Variants in DGKI observed in about 807,000 individuals in gnomAD.
DGKI encodes DAG kinase iota.
A neutral mutation model predicts 147.5 loss-of-function variants in DGKI; 55 were observed. The ratio of observed to expected loss-of-function variants is 0.37; its 90% confidence interval spans 0.30 to 0.47. DGKI has a LOEUF of 0.47. DGKI is among the 20% of genes least tolerant of loss of function. The pLI, the probability that DGKI is intolerant of heterozygous loss-of-function variation, is 1.00. For synonymous variants in DGKI, 469 were observed against 477.1 expected, an observed-to-expected ratio of 0.98 and a Z score of 0.22; for missense variants, 1,007 against 1,323.8, an observed-to-expected ratio of 0.76 and a Z score of 3.71.
intron 20 of DGKI, among the ~76,000 whole-genome samples, chr7:137,551,505 T>C (rs1280760330): frequency 2.0e-5 from 3 of 152,132 alleles, no homozygotes; most frequent in Admixed American, 6.5e-5. Context: ...AGTCCCTCAC[T>C]GTGATAGAGA....
At chr7:137,499,962 A>T (rs28491569) in intron 21 of DGKI, among the ~76,000 whole-genome samples, 17,929 of 152,140 alleles carry the variant, frequency 0.12, 1,232 homozygotes, top group African/African-American at 0.19. Flanking sequence ...ACCAGACCCA[A>T]CCATGCCGGC....
chr7:137,642,074 A>G (rs760108583), intron 6 of DGKI, among the ~76,000 whole-genome samples: 113 of 152,120 alleles, frequency 7.4e-4, no homozygotes, highest in Non-Finnish European at 1.3e-3. Context: ...TTCTGCCTCC[A>G]ACCATTGATT....
rs1311063306 is a variant in DGKI at position 137,611,276 on chromosome 7, T to C, written c.994-1667A>G. ...GGAACAGTATGTATTTGGTGTCAAT[T>C]AACAATGCTCTAAATGCTTCTCAAC... is the stretch of plus-strand genomic sequence containing the variant. On this transcript the variant is annotated intron_variant, in intron 8 of 32. Transcript: ENST00000614521. Among the ~76,000 whole-genome samples, 8 of 152,288 alleles carry C rather than the reference T, an allele frequency of 5.3e-5. No individual in the cohort carries two copies. The South Asian group carries it at 6.2e-4, about 12-fold the overall frequency.
In DGKI at chr7:137,689,913, C is replaced by T; in HGVS notation, c.491G>A (p.Arg164Lys). The change falls in exon 2 of 33, where the codon AGA becomes AAA. Residue 164 changes from arginine to lysine, a missense_variant. Physicochemically the swap from Arg to Lys is conservative, Grantham distance 26. Transcript: ENST00000614521. ...PVANGPAKEP[R>K]ATLDWSENAV... The stretch of plus-strand genomic sequence containing the variant: ...ACCTACACTCCAGTCCAAAGTCGCT[C>T]TGGGCTCCTTGGCTGGACCATTTGC... 2 of 1,598,224 alleles carry T rather than the reference C, an allele frequency of 1.3e-6. No homozygotes were observed. The highest frequency in any genetic ancestry group is 1.7e-6 in the Non-Finnish European group (2 of 1,173,484).
chr7:137,732,309 A>G (rs1794908351), intron 1 of DGKI, among the ~76,000 whole-genome samples: 1 of 152,082 alleles, frequency 6.6e-6, no homozygotes, highest in Non-Finnish European at 1.5e-5. Flanking sequence ...TAGAGCTCTA[A>G]TAATACTGGG....
chr7:137,753,151 T>C (rs1054807323), intron 1 of DGKI, among the ~76,000 whole-genome samples: 1 of 152,040 alleles, frequency 6.6e-6, no homozygotes, highest in African/African-American at 2.4e-5. Context: ...CCCTAAATAA[T>C]AAACAAAGTT....
intron 7 of DGKI, 27 bp downstream of exon 7, chr7:137,623,456 C>T (rs1820822572): frequency 1.2e-6 from 2 of 1,603,196 alleles, no homozygotes; most frequent in Non-Finnish European, 1.7e-6. Flanking sequence ...CATGAGCCCA[C>T]ATTGCTTTAT....
intron 2 of DGKI, among the ~76,000 whole-genome samples, chr7:137,681,721 C>T (rs270896): frequency 0.49 from 75,253 of 152,180 alleles, 22,140 homozygotes; most frequent in African/African-American, 0.83. Flanking sequence ...AAGTGAAGTC[C>T]AAAATGTAGC....
At chr7:137,654,937 A>T in intron 4 of DGKI, 149 bp from the exon 5 acceptor site, 1 of 574,006 alleles carries the variant, frequency 1.7e-6, no homozygotes. Flanking sequence ...TAGTCTTTTG[A>T]AATCATCACA....
intron 1 of DGKI, among the ~76,000 whole-genome samples, chr7:137,842,602 T>C (rs797003578): frequency 7.2e-5 from 11 of 152,258 alleles, no homozygotes; most frequent in African/African-American, 2.6e-4. Flanking sequence ...GAGGTACCGA[T>C]GGGCCAGCTC....
intron 20 of DGKI, among the ~76,000 whole-genome samples, chr7:137,541,038 C>G (rs997253523): frequency 2.0e-5 from 3 of 152,066 alleles, no homozygotes; most frequent in African/African-American, 7.2e-5. Flanking sequence ...CAAGCTGATT[C>G]TAAAAATGTG....
At chr7:137,744,990 G>T (rs904997801) in intron 1 of DGKI, among the ~76,000 whole-genome samples, 2 of 152,030 alleles carry the variant, frequency 1.3e-5, no homozygotes, top group Admixed American at 1.3e-4. Flanking sequence ...ACAAGATAAG[G>T]GTACTATGTT....
intron 21 of DGKI, among the ~76,000 whole-genome samples, chr7:137,506,692 ATAGGTTGCGG>A (rs1223748725): frequency 6.6e-6 from 1 of 152,140 alleles, no homozygotes; most frequent in East Asian, 1.9e-4. Flanking sequence ...CTGTGTGTGG[ATAGGTTGCGG>A]TAGGGGAGGG....
intron 3 of DGKI, among the ~76,000 whole-genome samples, chr7:137,676,649 T>C (rs1461974222): frequency 2.6e-5 from 4 of 152,234 alleles, no homozygotes; most frequent in African/African-American, 9.6e-5. Flanking sequence ...AAGTACCTGG[T>C]ATGAAATTAT....
chr7:137,478,325 GCA>G (rs1186316612), intron 23 of DGKI, among the ~76,000 whole-genome samples: 1 of 152,148 alleles, frequency 6.6e-6, no homozygotes, highest in African/African-American at 2.4e-5. Flanking sequence ...TTTTATGCTC[GCA>G]CATTCTTAAC....
chr7:137,661,893 T>C (rs1253201614), intron 3 of DGKI, among the ~76,000 whole-genome samples: 1 of 152,194 alleles, frequency 6.6e-6, no homozygotes, highest in Admixed American at 6.5e-5. Context: ...AGGAATCTGG[T>C]GTCCTCTCAG....
chr7:137,601,241 G>C (rs1334413009), intron 10 of DGKI, among the ~76,000 whole-genome samples: 1 of 151,740 alleles, frequency 6.6e-6, no homozygotes, highest in East Asian at 1.9e-4. Flanking sequence ...ACTACACTTC[G>C]GCCTGGGTGA....
intron 21 of DGKI, among the ~76,000 whole-genome samples, chr7:137,488,693 T>C (rs1032764901): frequency 1.3e-5 from 2 of 152,212 alleles, no homozygotes; most frequent in Non-Finnish European, 2.9e-5. Context: ...TGAGTGTATA[T>C]TTAAAGCCAT....
At chr7:137,482,429 T>C (rs1051623569) in intron 23 of DGKI, among the ~76,000 whole-genome samples, 2 of 151,898 alleles carry the variant, frequency 1.3e-5, no homozygotes, top group African/African-American at 2.4e-5. Context: ...AGTGATCTCC[T>C]CCGGCCTTGT....
Sources: gnomAD v4.1 joint callset for allele counts (sites outside exome capture counted in the v4.1 genomes callset) on GRCh38, gnomAD v4.1.1 for gene constraint, MANE v1.5 for transcripts, NCBI Gene and HGNC (gene_info 2026-07-23, HGNC 2026-07-21) for gene names.